DENND5A: variants seen among roughly 807,000 people sequenced by gnomAD.
The protein encoded by DENND5A is DENN domain containing 5A.
DENND5A carries 64 observed loss-of-function variants against 140.3 expected under a neutral mutation model. The observed-to-expected ratio is 0.46, with a 90% confidence interval of 0.37 to 0.56. DENND5A has a LOEUF of 0.56. Ranked by LOEUF, DENND5A falls within the 20% of genes least tolerant of loss-of-function variation. DENND5A has a pLI of 0.00. For missense variants in DENND5A, 1,292 were observed against 1,593.8 expected, an observed-to-expected ratio of 0.81 and a Z score of 3.22; for synonymous variants, 605 against 607.7, an observed-to-expected ratio of 1.00 and a Z score of 0.07.
intron 1 of DENND5A, among the ~76,000 whole-genome samples, chr11:9,258,379 C>G (rs968729029): frequency 7.0e-6 from 1 of 142,266 alleles, no homozygotes; most frequent in East Asian, 2.2e-4. Context: ...ATGTGGTGTT[C>G]CGTTTTCTGT....
intron 1 of DENND5A, among the ~76,000 whole-genome samples, chr11:9,233,919 T>C (rs974353836): frequency 8.5e-5 from 13 of 152,182 alleles, no homozygotes; most frequent in Non-Finnish European, 1.8e-4. Context: ...GGCTCAGGCC[T>C]GTAATCCCAG....
chr11:9,257,631 G>A (rs564944799), intron 1 of DENND5A, among the ~76,000 whole-genome samples: 11 of 150,882 alleles, frequency 7.3e-5, no homozygotes, highest in Admixed American at 4.6e-4. Context: ...ACAGGTGCCC[G>A]CCATCGCACC....
At chr11:9,209,470 T>TC (rs1289123924) in intron 1 of DENND5A, among the ~76,000 whole-genome samples, 2 of 152,136 alleles carry the variant, frequency 1.3e-5, no homozygotes, top group Admixed American at 6.6e-5. Context: ...AGAGCCTCTG[T>TC]CCCCACCACC....
intron 1 of DENND5A, among the ~76,000 whole-genome samples, chr11:9,264,477 G>T (rs1235536399): frequency 6.6e-6 from 1 of 151,968 alleles, no homozygotes; most frequent in Non-Finnish European, 1.5e-5. Context: ...ATCTGACTCA[G>T]GGGGCCCAGC....
intron 6 of DENND5A, among the ~76,000 whole-genome samples, chr11:9,180,014 G>C (rs1201642882): frequency 6.6e-5 from 10 of 152,206 alleles, no homozygotes; most frequent in Admixed American, 6.5e-4. Flanking sequence ...GAATTCAAGA[G>C]GACTAGATTC....
Position 9,207,628 on chromosome 11 carries a change from T to A in DENND5A, c.114A>T (p.Leu38Phe). 1.2e-6 allele frequency: 2 copies of A among 1,606,936 alleles called. No homozygotes were observed. The highest frequency in any genetic ancestry group is 1.7e-6 in the Non-Finnish European group (2 of 1,173,652). ...CTTTAGAAGCCTGTATGTACTGGCA[T>A]AATGCTATATGATAAATGAAATAAC... ...TGLEPDELSA[L>F]CQYIQASKAR... The change falls in exon 2 of 23, where the codon TTA becomes TTT. Residue 38 changes from leucine (L) to phenylalanine (F), a missense_variant. By Grantham distance (22) the Leu-to-Phe change is conservative. Transcript: ENST00000328194.
At chr11:9,263,961 C>T (rs900190199) in intron 1 of DENND5A, among the ~76,000 whole-genome samples, 2 of 151,822 alleles carry the variant, frequency 1.3e-5, no homozygotes, top group African/African-American at 4.8e-5. Context: ...TAATCACTTT[C>T]GAAAGAGAAA....
chr11:9,240,222 C>G (rs1851176757), intron 1 of DENND5A, among the ~76,000 whole-genome samples: 1 of 151,942 alleles, frequency 6.6e-6, no homozygotes, highest in Admixed American at 6.6e-5. Flanking sequence ...GGTGAAACCC[C>G]ATCTCTACTA....
intron 8 of DENND5A, among the ~76,000 whole-genome samples, chr11:9,176,427 T>G (rs545579914): frequency 9.9e-5 from 15 of 152,212 alleles, no homozygotes; most frequent in African/African-American, 3.6e-4. Context: ...CTACTTAATC[T>G]AGTACTTCAA....
intron 1 of DENND5A, 65 bp from the exon 2 acceptor site, chr11:9,207,697 T>C (rs1464017841): frequency 5.3e-6 from 6 of 1,125,112 alleles, no homozygotes; most frequent in Admixed American, 1.8e-5. Flanking sequence ...TTTTTGACCA[T>C]TATTCCAGTA....
intron 1 of DENND5A, among the ~76,000 whole-genome samples, chr11:9,211,929 C>CAA (rs71453905): frequency 3.9e-4 from 33 of 84,800 alleles, no homozygotes; most frequent in East Asian, 9.9e-4. Context: ...GACTCCGTCT[C>CAA]AAAAAAAAAA....
chr11:9,260,295 G>C (rs985044176), intron 1 of DENND5A, among the ~76,000 whole-genome samples: 2 of 151,976 alleles, frequency 1.3e-5, no homozygotes, highest in Non-Finnish European at 2.9e-5. Flanking sequence ...CAAGTATTTG[G>C]GAACCTTAAT....
chr11:9,149,232 G>A (rs1847532147), intron 15 of DENND5A, among the ~76,000 whole-genome samples: 1 of 152,162 alleles, frequency 6.6e-6, no homozygotes, highest in Non-Finnish European at 1.5e-5. Context: ...AAACAGTCTT[G>A]GGGGCTAGCT....
chr11:9,261,649 G>C (rs1357960529), intron 1 of DENND5A, among the ~76,000 whole-genome samples: 1 of 151,830 alleles, frequency 6.6e-6, no homozygotes, highest in Admixed American at 6.6e-5. Context: ...GTGGTGGCAC[G>C]CGCGGCTCAT....
At chr11:9,201,711 C>T (rs553386114) in intron 4 of DENND5A, among the ~76,000 whole-genome samples, 1 of 151,988 alleles carries the variant, frequency 6.6e-6, no homozygotes, top group East Asian at 1.9e-4. Context: ...CTTTTTGCTA[C>T]TATTCTTGAA....
At chr11:9,223,887 C>T (rs1411480139) in intron 1 of DENND5A, among the ~76,000 whole-genome samples, 4 of 152,166 alleles carry the variant, frequency 2.6e-5, no homozygotes, top group African/African-American at 9.7e-5. Context: ...CATGCCCTGA[C>T]CATTTAAAAA....
At chr11:9,164,666 CG>C (rs1272338662) in intron 11 of DENND5A, among the ~76,000 whole-genome samples, 1 of 152,172 alleles carries the variant, frequency 6.6e-6, no homozygotes, top group Non-Finnish European at 1.5e-5. Context: ...TAAGCTTAAA[CG>C]GAATGACACA....
chr11:9,248,261 G>C (rs757909253), intron 1 of DENND5A, among the ~76,000 whole-genome samples: 3 of 152,102 alleles, frequency 2.0e-5, no homozygotes, highest in African/African-American at 7.2e-5. Context: ...GGGATTTCAG[G>C]CATGAGCCAC....
chr11:9,218,641 T>C (rs143691794), intron 1 of DENND5A, among the ~76,000 whole-genome samples: 3 of 151,918 alleles, frequency 2.0e-5, no homozygotes, highest in Non-Finnish European at 2.9e-5. Context: ...GCCCGGGAGA[T>C]GAAGGTTAGA....
Sources: gnomAD v4.1 joint callset for allele counts (sites outside exome capture counted in the v4.1 genomes callset) on GRCh38, gnomAD v4.1.1 for gene constraint, MANE v1.5 for transcripts, NCBI Gene and HGNC (gene_info 2026-07-23, HGNC 2026-07-21) for gene names.